Variants in CDH8 observed in about 807,000 individuals in gnomAD.
CDH8 encodes the protein cadherin 8, also known as cadherin-8.
Under a neutral mutation model 68.1 loss-of-function variants are expected in CDH8, and 17 were observed. The ratio of observed to expected loss-of-function variants is 0.25; its 90% CI spans 0.17 to 0.37. The LOEUF is 0.37. Ranked by LOEUF, CDH8 falls within the 10% of genes least tolerant of loss-of-function variation. CDH8 has a pLI of 1.00. For missense variants in CDH8, 763 were observed against 999.3 expected (o/e 0.76, Z 3.19); for synonymous variants, 372 against 365.1 (o/e 1.02, Z -0.21).
chr16:61,826,339 C>A (rs111500249), intron 4 of CDH8, among the ~76,000 whole-genome samples: 15 of 151,946 alleles, frequency 9.9e-5, no homozygotes, highest in African/African-American at 3.6e-4. Context: ...TTTCCCATGT[C>A]AAACAACTGA....
At chr16:61,782,382 G>T (rs1446420212) in intron 8 of CDH8, among the ~76,000 whole-genome samples, 2 of 152,000 alleles carry the variant, frequency 1.3e-5, no homozygotes, top group Non-Finnish European at 2.9e-5. Flanking sequence ...TTTTCAGACC[G>T]GCTTAAAAAA....
chr16:61,738,239 C>CA (rs1461174897), intron 8 of CDH8, among the ~76,000 whole-genome samples: 1 of 152,040 alleles, frequency 6.6e-6, no homozygotes, highest in African/African-American at 2.4e-5. Context: ...CCCTGACTGC[C>CA]AAAAAGCATG....
rs1327003686 is a variant in CDH8 at position 61,960,277 on chromosome 16, G to A, written c.253-58804C>T. Among the ~76,000 whole-genome samples the A allele has an allele frequency of 3.2e-5, 3 of 94,152 alleles. 1 individual carries two copies. Among genetic ancestry groups the A allele is most frequent in the Admixed American group, 2.0e-4 (2 of 9,878 alleles). The allele number at this position is 94,152 out of a possible 152,430, so 61.8% of individuals were successfully genotyped here. On this transcript the variant is annotated intron_variant, in intron 2 of 11. Transcript: ENST00000577390. ...TACACATACATATATACGTGTGTGT[G>A]TATACACACATATATACGTGTGTGT...
intron 2 of CDH8, among the ~76,000 whole-genome samples, chr16:61,935,684 T>A (rs1964616589): frequency 6.6e-6 from 1 of 152,146 alleles, no homozygotes; most frequent in Non-Finnish European, 1.5e-5. Flanking sequence ...GAGCATCTAG[T>A]GTATGCCAGA....
At chr16:61,867,161 T>G (rs145239463) in intron 3 of CDH8, among the ~76,000 whole-genome samples, 1 of 152,152 alleles carries the variant, frequency 6.6e-6, no homozygotes. Context: ...ACAAGAACTA[T>G]GAGTTCACAG....
chr16:61,710,456 T>C (rs1964610693), intron 10 of CDH8, among the ~76,000 whole-genome samples: 2 of 151,986 alleles, frequency 1.3e-5, no homozygotes, highest in African/African-American at 2.4e-5. Context: ...TTATCAAAAG[T>C]ATGCATTTAA....
intron 3 of CDH8, among the ~76,000 whole-genome samples, chr16:61,879,559 G>A (rs1475796343): frequency 6.6e-6 from 1 of 152,168 alleles, no homozygotes; most frequent in Non-Finnish European, 1.5e-5. Flanking sequence ...CCTGTTCCCT[G>A]TCATCATCCT....
At chr16:61,657,266 AC>A (rs1365635499) in intron 10 of CDH8, among the ~76,000 whole-genome samples, 2 of 152,146 alleles carry the variant, frequency 1.3e-5, no homozygotes, top group Admixed American at 6.5e-5. Context: ...ATAGCACTAT[AC>A]TAGGATTTCC....
chr16:62,014,781 T>G (rs997687173), intron 2 of CDH8, among the ~76,000 whole-genome samples: 8 of 151,720 alleles, frequency 5.3e-5, no homozygotes, highest in African/African-American at 1.9e-4. Context: ...GAGAGTTACA[T>G]CCAAATAAGG....
Position 61,651,979 on chromosome 16 carries a change from A to C in CDH8, c.*1629T>G, listed in dbSNP as rs1055428713. 5 of 619,868 alleles carry C rather than the reference A, an allele frequency of 8.1e-6. No homozygotes were observed. The highest frequency in any genetic ancestry group is 1.3e-4 in the Admixed American group (2 of 15,754). The allele number at this position is 619,868 out of a possible 1,614,324, so 38.4% of individuals were successfully genotyped here. A position where few individuals can be genotyped will look rare whatever the true frequency, so the allele number is the denominator to read the frequency against. On this transcript the variant is annotated 3_prime_UTR_variant, in exon 12 of 12. Coordinates refer to ENST00000577390, the MANE Select transcript of CDH8 (RefSeq NM_001796.5). ...TGATGATTCTGTTAATAGATCTTCCACTGATTGAAAAAAAAATTAATGACA... is the reference window on the plus strand; with the variant it reads ...TGATGATTCTGTTAATAGATCTTCCCCTGATTGAAAAAAAAATTAATGACA...
At position 61,929,459 on chromosome 16, in the gene CDH8, C is replaced by T. The variant is rs550809118; in HGVS notation, c.253-27986G>A. Among the ~76,000 whole-genome samples the T allele has an allele frequency of 3.9e-5, 6 of 152,182 alleles. No homozygotes were observed. The East Asian group carries it at 1.2e-3, about 29-fold the overall frequency. The stretch of plus-strand genomic sequence containing the variant: ...ATCTCAGAAAGGGTTGGCTGTTCGC[C>T]TACATGGATTCGAGATTCTTATGAA... On this transcript the variant is annotated intron_variant, in intron 2 of 11. Transcript: ENST00000577390.
At chr16:61,690,384 G>C (rs1012988768) in intron 10 of CDH8, among the ~76,000 whole-genome samples, 1 of 152,036 alleles carries the variant, frequency 6.6e-6, no homozygotes, top group African/African-American at 2.4e-5. Context: ...CTTGCTAAAT[G>C]TGTTTTCTCA....
intron 8 of CDH8, among the ~76,000 whole-genome samples, chr16:61,782,872 G>A (rs906750784): frequency 1.3e-5 from 2 of 152,194 alleles, no homozygotes; most frequent in South Asian, 2.1e-4. Context: ...ACCTGCAGCT[G>A]AGGGTCCTGT....
At chr16:61,981,903 T>C (rs1269377870) in intron 2 of CDH8, among the ~76,000 whole-genome samples, 2 of 152,182 alleles carry the variant, frequency 1.3e-5, no homozygotes, top group African/African-American at 2.4e-5. Context: ...AATTCCTTTT[T>C]TTCTTCTCCT....
chr16:61,800,949 C>T (rs1961609839), intron 7 of CDH8, among the ~76,000 whole-genome samples: 1 of 152,056 alleles, frequency 6.6e-6, no homozygotes, highest in African/African-American at 2.4e-5. Flanking sequence ...GTCAATCTCC[C>T]TTTGTCATGA....
chr16:61,999,705 T>C (rs1965861718), intron 2 of CDH8, among the ~76,000 whole-genome samples: 1 of 152,088 alleles, frequency 6.6e-6, no homozygotes, highest in South Asian at 2.1e-4. Context: ...TCGCTTTCCG[T>C]GTGTCTCTGA....
chr16:62,012,371 A>T (rs1044367197), intron 2 of CDH8, among the ~76,000 whole-genome samples: 1 of 152,212 alleles, frequency 6.6e-6, no homozygotes, highest in Non-Finnish European at 1.5e-5. Flanking sequence ...GCATTTAGCA[A>T]TGCAGAAAGA....
intron 10 of CDH8, among the ~76,000 whole-genome samples, chr16:61,713,398 G>T (rs1964666363): frequency 6.6e-6 from 1 of 151,534 alleles, no homozygotes; most frequent in Admixed American, 6.6e-5. Context: ...GTTGGTACAG[G>T]CTTAAAACAA....
Position 61,647,518 on chromosome 16 carries a change from G to A in CDH8, c.*6090C>T. The A allele has an allele frequency of 2.7e-6, 1 of 372,782 alleles. No individual in the cohort carries two copies. The highest frequency in any genetic ancestry group is 4.8e-6 in the Non-Finnish European group (1 of 206,566). 23.1% of individuals were successfully genotyped at this position (372,782 alleles called of 1,614,324 possible). ...CTAAATTGTCATGTTCCATCTTAGA[G>A]CATAATTGTTAAAATCTTCCTCTTA... On this transcript the variant is annotated 3_prime_UTR_variant, in exon 12 of 12. Transcript: ENST00000577390.
Sources: allele counts gnomAD v4.1 joint callset (sites outside exome capture counted in the v4.1 genomes callset), GRCh38; gene constraint gnomAD v4.1.1; transcripts MANE v1.5; gene names NCBI Gene and HGNC (gene_info 2026-07-23, HGNC 2026-07-21).